Variants in PEX11B observed in about 807,000 individuals in gnomAD.
PEX11B encodes peroxisomal membrane protein 11B.
In PEX11B, 18 loss-of-function variants were observed where a neutral mutation model predicts 28.2. The ratio of observed to expected loss-of-function variants is 0.64; its 90% CI spans 0.44 to 0.95. The LOEUF (loss-of-function observed/expected upper bound fraction) is 0.95. Ranked by LOEUF, PEX11B falls within the 40% of genes least tolerant of loss-of-function variation. PEX11B has a pLI of 0.00. For missense variants in PEX11B, 305 were observed against 319.8 expected, an observed-to-expected ratio of 0.95 and a Z score of 0.35; for synonymous variants, 128 against 128.7, an observed-to-expected ratio of 0.99 and a Z score of 0.04.
chr1:145,918,544 C>G, intron 1 of PEX11B, 89 bp downstream of exon 1: 1 of 1,546,762 alleles, frequency 6.5e-7, no homozygotes, highest in South Asian at 1.2e-5. Flanking sequence ...CTTCTTGACC[C>G]CCCTGTAGCC....
At chr1:145,915,636 T>C (rs1374673728) in intron 3 of PEX11B, among the ~76,000 whole-genome samples, 4 of 143,686 alleles carry the variant, frequency 2.8e-5, no homozygotes, top group Non-Finnish European at 4.5e-5. Flanking sequence ...TTTCTTTTCT[T>C]TTTTTTTTTT....
At chr1:145,918,400 C>A in intron 1 of PEX11B, 2 of 1,536,074 alleles carry the variant, frequency 1.3e-6, no homozygotes, top group Non-Finnish European at 1.7e-6. Context: ...ACACAGCAAC[C>A]CTGAGCGGCC....
At position 145,918,302 on chromosome 1, in the gene PEX11B, C is replaced by G. The variant is rs990675229; in HGVS notation, c.56+331G>C. On this transcript the variant is annotated intron_variant, in intron 1 of 3. Coordinates refer to ENST00000369306, the MANE Select transcript of PEX11B (RefSeq NM_003846.3). ...GGAAACTGGGAGTGCCTCCTCAGCT[C>G]TGGGGGCAGAGTCTGGGGCTATCCA... 4 of 1,479,568 alleles carry G rather than the reference C, an allele frequency of 2.7e-6. No homozygotes were observed. In the African/African-American group the frequency reaches 5.6e-5, roughly 21 times the overall value. The allele number at this position is 1,479,568 out of a possible 1,614,324, so 91.7% of individuals were successfully genotyped here.
At chr1:145,917,069 T>C in intron 2 of PEX11B, 51 bp from the exon 3 acceptor site, 1 of 1,194,694 alleles carries the variant, frequency 8.4e-7, no homozygotes, top group Non-Finnish European at 1.3e-6. Flanking sequence ...GAGAGGCAGA[T>C]AACAAGAAAC....
At chr1:145,914,214 A>ATTTAGCT (rs1377628869) in intron 3 of PEX11B, among the ~76,000 whole-genome samples, 1 of 152,114 alleles carries the variant, frequency 6.6e-6, no homozygotes, top group Non-Finnish European at 1.5e-5. Flanking sequence ...TCTCTACTAA[A>ATTTAGCT]AATACAAAAA....
Position 145,912,513 on chromosome 1 carries a change from C to T in PEX11B, c.428G>A (p.Arg143His), listed in dbSNP as rs782067337. The T allele has an allele frequency of 2.0e-5, 30 of 1,492,928 alleles. No homozygotes were observed. Among genetic ancestry groups the T allele is most frequent in the African/African-American group, 5.6e-5 (4 of 71,058 alleles). 92.5% of individuals were successfully genotyped at this position (1,492,928 alleles called of 1,614,324 possible). A position where few individuals can be genotyped will look rare whatever the true frequency, so the allele number is the denominator to read the frequency against. The change falls in exon 4 of 4, where the codon CGC (arginine) becomes CAC (histidine). Residue 143 changes from arginine (R) to histidine (H), a missense_variant. Coordinates refer to ENST00000369306, the MANE Select transcript of PEX11B (RefSeq NM_003846.3). ...MNLSRDAYEI[R>H]LLMEQESSAC... ...AGAAGACTCTTGCTCCATCAGTAGGCGAATCTCATAAGCATCACGGCTCAA... is the reference window on the plus strand; with the variant it reads ...AGAAGACTCTTGCTCCATCAGTAGGTGAATCTCATAAGCATCACGGCTCAA...
At chr1:145,914,497 C>G (rs1270933602) in intron 3 of PEX11B, among the ~76,000 whole-genome samples, 2 of 152,156 alleles carry the variant, frequency 1.3e-5, no homozygotes, top group African/African-American at 2.4e-5. Flanking sequence ...TGGTCCCTAC[C>G]CCTCTAACTT....
rs587597244 is a variant in PEX11B, at chr1:145,917,606, GA to G, written c.172+94del. 236 of 754,292 alleles carry G rather than the reference GA, an allele frequency of 3.1e-4. 1 individual carries two copies. In the African/African-American group the frequency reaches 3.6e-3, roughly 12 times the overall value. 46.7% of individuals were successfully genotyped at this position (754,292 alleles called of 1,614,324 possible). ...GGTAAGTGCAGAGCCAAATGAGAAA[GA>G]AGAACAGAGAGGGTACAGGAAGGAG... On this transcript the variant is annotated intron_variant, in intron 2 of 3. Coordinates refer to ENST00000369306, the MANE Select transcript of PEX11B (RefSeq NM_003846.3).
At position 145,912,154 on chromosome 1, in the gene PEX11B, C is replaced by G; in HGVS notation, c.*7G>C. Reference sequence around the variant, plus strand: ...TTCAGGTCCCCTCCTTATCCTGTACCGGAAGGTCAGGGCTTGAGTCGTAGC... The same window carrying G: ...TTCAGGTCCCCTCCTTATCCTGTACGGGAAGGTCAGGGCTTGAGTCGTAGC... On this transcript the variant is annotated 3_prime_UTR_variant, in exon 4 of 4. Transcript: ENST00000369306. The G allele has an allele frequency of 6.3e-7, 1 of 1,581,268 alleles. No individual in the cohort carries two copies. Among genetic ancestry groups the G allele is most frequent in the Non-Finnish European group, 8.6e-7 (1 of 1,162,522 alleles).
chr1:145,918,665 A>C lies in PEX11B; in HGVS notation c.24T>G (p.Ser8Arg), dbSNP rs1553754382. MDAWVRF[S>R]AQSQARERLC... ...GCCGCTCCCGGGCTTGGCTCTGAGCACTGAAGCGGACCCAGGCGTCCATGA... is the reference window on the plus strand; with the variant it reads ...GCCGCTCCCGGGCTTGGCTCTGAGCCCTGAAGCGGACCCAGGCGTCCATGA... The change falls in exon 1 of 4, where the codon AGT becomes AGG. Residue 8 changes from serine to arginine, a missense_variant. Physicochemically the swap from Ser to Arg is moderately radical, Grantham distance 110. Transcript: ENST00000369306. The C allele has an allele frequency of 6.3e-7, 1 of 1,576,136 alleles. No homozygotes were observed. Among genetic ancestry groups the C allele is most frequent in the Non-Finnish European group, 8.6e-7 (1 of 1,165,016 alleles).
At chr1:145,913,722 T>C (rs914644940) in intron 3 of PEX11B, among the ~76,000 whole-genome samples, 13 of 152,122 alleles carry the variant, frequency 8.5e-5, no homozygotes, top group Admixed American at 7.9e-4. Context: ...ATATTAAAGG[T>C]GATCTAAATC....
At chr1:145,918,164 T>G in intron 1 of PEX11B, 1 of 985,434 alleles carries the variant, frequency 1.0e-6, no homozygotes, top group Non-Finnish European at 1.2e-6. Flanking sequence ...GGAGGGCATT[T>G]TATTCCTCAG....
chr1:145,916,761 G>T, intron 3 of PEX11B, 56 bp downstream of exon 3: 4 of 1,179,358 alleles, frequency 3.4e-6, no homozygotes, highest in Non-Finnish European at 3.8e-6. Flanking sequence ...TATAAGACAA[G>T]CTATGCAATA....
At chr1:145,915,736 C>A (rs587621366) in intron 3 of PEX11B, among the ~76,000 whole-genome samples, 1 of 151,334 alleles carries the variant, frequency 6.6e-6, no homozygotes, top group Non-Finnish European at 1.5e-5. Context: ...CGGGTTCAAG[C>A]GAGTCTCCTG....
intron 2 of PEX11B, among the ~76,000 whole-genome samples, chr1:145,917,267 C>T (rs925403743): frequency 6.6e-6 from 1 of 152,022 alleles, no homozygotes; most frequent in African/African-American, 2.4e-5. Flanking sequence ...CCCATCTCTA[C>T]TAAAAATACA....
rs1553753334 is a variant in PEX11B at position 145,912,551 on chromosome 1, G to A, written c.390C>T (p.Ser130=). 6.7e-7 allele frequency: 1 copy of A among 1,491,632 alleles called. No individual in the cohort carries two copies. Among genetic ancestry groups the A allele is most frequent in the East Asian group, 2.3e-5 (1 of 43,122 alleles). The allele number at this position is 1,491,632 out of a possible 1,614,324, so 92.4% of individuals were successfully genotyped here. The part of the protein sequence containing the change: ...AQRSFRYYLF[S]LIMNLSRDAY... ...CATCACGGCTCAAATTCATGATGAG[G>A]GAAAACAAATAGTACCTGATACACA... Residue 130 remains serine, a synonymous_variant, in exon 4 of 4, where the codon TCC becomes TCT. Transcript: ENST00000369306.
In PEX11B at chr1:145,912,401, T is replaced by G; in HGVS notation, c.540A>C (p.Gly180=). 1 of 1,602,904 alleles carries G rather than the reference T, an allele frequency of 6.2e-7. No homozygotes were observed. Among genetic ancestry groups the G allele is most frequent in the Non-Finnish European group, 8.5e-7 (1 of 1,173,548 alleles). The change falls in exon 4 of 4, where the codon GGA becomes GGC. Residue 180 remains glycine (G), a synonymous_variant. Transcript: ENST00000369306. The part of the protein sequence containing the change: ...TGGLGGPGTP[G]GGLPQLALKL... ...TCAGAGCCAGTTGGGGCAGACCTCC[T>G]CCTGGAGTCCCTGGTCCCCCAAGTC...
chr1:145,915,327 T>C (rs1553753760), intron 3 of PEX11B, among the ~76,000 whole-genome samples: 1 of 151,768 alleles, frequency 6.6e-6, no homozygotes, highest in Non-Finnish European at 1.5e-5. Context: ...CTTTAGGGAG[T>C]TGCTTTTCCA....
intron 1 of PEX11B, chr1:145,918,076 C>T: frequency 1.0e-6 from 1 of 985,306 alleles, no homozygotes; most frequent in Non-Finnish European, 1.2e-6. Context: ...CTGAAGGGGC[C>T]AGTGCAGGCC....
Sources: allele counts gnomAD v4.1 joint callset (sites outside exome capture counted in the v4.1 genomes callset), GRCh38; gene constraint gnomAD v4.1.1; transcripts MANE v1.5; gene names NCBI Gene and HGNC (gene_info 2026-07-23, HGNC 2026-07-21).